Variants in BCAS1 observed in about 807,000 individuals in gnomAD.
BCAS1 encodes breast carcinoma-amplified sequence 1.
A neutral mutation model predicts 65.4 loss-of-function variants in BCAS1; 46 were observed. The ratio of observed to expected loss-of-function variants is 0.70; its 90% confidence interval spans 0.55 to 0.90. The LOEUF is 0.90. Among genes scored for constraint, BCAS1 ranks in the 40% least tolerant of loss-of-function variants. The probability of loss-of-function intolerance (pLI) is 0.00; values close to 1 mark genes in which losing one functional copy is unlikely to be tolerated. For synonymous variants in BCAS1, 298 were observed against 293.5 expected, an observed-to-expected ratio of 1.02 and a Z score of -0.16; for missense variants, 793 against 771.2, an observed-to-expected ratio of 1.03 and a Z score of -0.33.
chr20:53,982,098 A>G (rs1205725260), intron 8 of BCAS1, among the ~76,000 whole-genome samples: 2 of 152,196 alleles, frequency 1.3e-5, no homozygotes, highest in African/African-American at 2.4e-5. Flanking sequence ...ACAGATTAGA[A>G]AGGAGGGTCT....
At chr20:53,964,188 A>G (rs140611963) in intron 10 of BCAS1, among the ~76,000 whole-genome samples, 132 of 152,358 alleles carry the variant, frequency 8.7e-4, no homozygotes, top group African/African-American at 3.1e-3. Flanking sequence ...AATATGATTC[A>G]AATAAGTTGT....
At chr20:54,026,370 C>T (rs1318109253) in intron 4 of BCAS1, among the ~76,000 whole-genome samples, 1 of 152,210 alleles carries the variant, frequency 6.6e-6, no homozygotes, top group Admixed American at 6.5e-5. Flanking sequence ...AATCACAACT[C>T]CAAAACTTTT....
At chr20:53,991,598 T>C (rs1471173532) in intron 7 of BCAS1, among the ~76,000 whole-genome samples, 1 of 152,222 alleles carries the variant, frequency 6.6e-6, no homozygotes, top group Non-Finnish European at 1.5e-5. Context: ...TCTTAGACAT[T>C]GGAAGCATAA....
At chr20:54,018,639 C>CA (rs2091492573) in intron 4 of BCAS1, among the ~76,000 whole-genome samples, 1 of 151,400 alleles carries the variant, frequency 6.6e-6, no homozygotes, top group Admixed American at 6.6e-5. Flanking sequence ...CCCAGCCTCC[C>CA]ACCCCTTTTA....
intron 4 of BCAS1, among the ~76,000 whole-genome samples, chr20:54,014,987 G>A (rs2091403459): frequency 6.6e-6 from 1 of 152,024 alleles, no homozygotes; most frequent in African/African-American, 2.4e-5. Context: ...AAGCAGGAAG[G>A]AATGTGAAGA....
At chr20:53,971,088 A>T (rs1203011498) in intron 9 of BCAS1, among the ~76,000 whole-genome samples, 1 of 152,246 alleles carries the variant, frequency 6.6e-6, no homozygotes, top group African/African-American at 2.4e-5. Flanking sequence ...TGGTTGGTTT[A>T]GAAATGACAG....
chr20:53,958,539 A>G (rs1443647085), intron 10 of BCAS1, among the ~76,000 whole-genome samples: 1 of 152,228 alleles, frequency 6.6e-6, no homozygotes, highest in Non-Finnish European at 1.5e-5. Context: ...CAACACATGC[A>G]CTAAGAACAG....
chr20:53,945,680 G>A (rs768241684), intron 12 of BCAS1, among the ~76,000 whole-genome samples: 20 of 152,212 alleles, frequency 1.3e-4, no homozygotes, highest in African/African-American at 4.1e-4. Context: ...AGGATTCTGC[G>A]TGTCTCAGTG....
intron 3 of BCAS1, among the ~76,000 whole-genome samples, chr20:54,048,148 A>G (rs540470794): frequency 3.2e-4 from 49 of 152,096 alleles, no homozygotes; most frequent in South Asian, 1.7e-3. Context: ...GAGCCTCTTG[A>G]GTGAGAGACA....
intron 7 of BCAS1, among the ~76,000 whole-genome samples, chr20:53,987,508 T>C (rs2090644389): frequency 6.6e-6 from 1 of 152,214 alleles, no homozygotes; most frequent in African/African-American, 2.4e-5. Flanking sequence ...ACATGCTAAG[T>C]AGCTTGTTTT....
At chr20:54,023,539 T>G (rs746480308) in intron 4 of BCAS1, among the ~76,000 whole-genome samples, 1 of 152,210 alleles carries the variant, frequency 6.6e-6, no homozygotes, top group Non-Finnish European at 1.5e-5. Flanking sequence ...GTTAGCTTCA[T>G]GGAGAACCTG....
At chr20:54,024,342 G>A (rs867292474) in intron 4 of BCAS1, among the ~76,000 whole-genome samples, 26 of 152,204 alleles carry the variant, frequency 1.7e-4, no homozygotes, top group Admixed American at 3.3e-4. Context: ...GGAAAACCCC[G>A]TGAATTAAAC....
At chr20:53,971,437 G>A (rs2090176850) in intron 9 of BCAS1, among the ~76,000 whole-genome samples, 1 of 152,220 alleles carries the variant, frequency 6.6e-6, no homozygotes, top group Non-Finnish European at 1.5e-5. Flanking sequence ...TTGCTATTGA[G>A]AAGCACTGTA....
chr20:54,057,995 T>G, intron 3 of BCAS1, 90 bp downstream of exon 3: 11 of 1,021,688 alleles, frequency 1.1e-5, no homozygotes, highest in African/African-American at 1.7e-5. Flanking sequence ...CTTCGACCCT[T>G]TCATTTTTTT....
At chr20:53,980,438 GA>G (rs2062268485) in intron 8 of BCAS1, among the ~76,000 whole-genome samples, 1 of 152,066 alleles carries the variant, frequency 6.6e-6, no homozygotes, top group African/African-American at 2.4e-5. Context: ...GCACAGAGCT[GA>G]AAAAAATAGT....
chr20:53,994,894 C>G lies in BCAS1; in HGVS notation c.927+118G>C, dbSNP rs45513598. On this transcript the variant is annotated intron_variant, in intron 6 of 12. Transcript: ENST00000688948. ...TAATTATATATAGATATGATACACA[C>G]ACACACACACACACACACACACATA... The G allele has an allele frequency of 3.7e-3, 1,591 of 431,450 alleles. 5 individuals carry two copies. The highest frequency in any genetic ancestry group is 5.2e-3 in the Non-Finnish European group (1,227 of 234,492). 26.7% of individuals were successfully genotyped at this position (431,450 alleles called of 1,614,324 possible). A position where few individuals can be genotyped will look rare whatever the true frequency, so the allele number is the denominator to read the frequency against.
intron 11 of BCAS1, among the ~76,000 whole-genome samples, chr20:53,955,923 A>C (rs1275022557): frequency 6.6e-6 from 1 of 152,246 alleles, no homozygotes; most frequent in Admixed American, 6.5e-5. Context: ...TAAAAGCTTA[A>C]ATATGAAGAG....
intron 4 of BCAS1, among the ~76,000 whole-genome samples, chr20:54,020,625 T>A (rs2091535715): frequency 6.6e-6 from 1 of 152,238 alleles, no homozygotes; most frequent in Admixed American, 6.5e-5. Flanking sequence ...TGCCAACATG[T>A]GCCAGCCATT....
chr20:54,057,392 A>G (rs1364909112), intron 3 of BCAS1, among the ~76,000 whole-genome samples: 2 of 152,184 alleles, frequency 1.3e-5, no homozygotes, highest in Admixed American at 1.3e-4. Flanking sequence ...TCCCCATTTT[A>G]CAGATGAGAA....
Sources: allele counts gnomAD v4.1 joint callset (sites outside exome capture counted in the v4.1 genomes callset), GRCh38; gene constraint gnomAD v4.1.1; transcripts MANE v1.5; gene names NCBI Gene and HGNC (gene_info 2026-07-23, HGNC 2026-07-21).